KALRN: variants seen among roughly 807,000 people sequenced by gnomAD.
KALRN encodes kalirin.
In KALRN, 70 loss-of-function variants were observed where a neutral mutation model predicts 353.7. That is an observed-to-expected ratio of 0.20 (90% CI 0.16 to 0.24). The LOEUF (loss-of-function observed/expected upper bound fraction) is 0.24, where lower values mean the gene tolerates loss of function less well. KALRN is among the 10% of genes least tolerant of loss of function. The probability of loss-of-function intolerance (pLI) is 1.00; values close to 1 mark genes in which losing one functional copy is unlikely to be tolerated. For missense variants in KALRN, 2,791 were observed against 3,756.7 expected, an observed-to-expected ratio of 0.74 and a Z score of 6.72; for synonymous variants, 1,391 against 1,434.8, an observed-to-expected ratio of 0.97 and a Z score of 0.69.
At chr3:124,661,814 G>C in intron 44 of KALRN, 37 bp from the exon 45 acceptor site, 1 of 1,548,674 alleles carries the variant, frequency 6.5e-7, no homozygotes, top group African/African-American at 1.4e-5. Context: ...CCTGAGTGCT[G>C]TTCCCCCTCC....
At chr3:124,084,300 T>C (rs1244391637) in intron 1 of KALRN, among the ~76,000 whole-genome samples, 2 of 152,216 alleles carry the variant, frequency 1.3e-5, no homozygotes, top group Non-Finnish European at 2.9e-5. Flanking sequence ...TGCACAGGTG[T>C]TGTGCAGCCC....
chr3:124,162,430 A>G (rs1264118054), intron 1 of KALRN: 2 of 152,182 alleles, frequency 1.3e-5, no homozygotes, highest in Non-Finnish European at 1.5e-5. Context: ...AAAAAAAGCA[A>G]TGTCTCCTCG....
chr3:124,120,337 G>C (rs966189095), intron 1 of KALRN, among the ~76,000 whole-genome samples: 6 of 152,094 alleles, frequency 3.9e-5, no homozygotes, highest in Admixed American at 3.3e-4. Flanking sequence ...ATTCCATTCT[G>C]GTTTTCTTCT....
At chr3:124,317,686 C>T (rs2078940409) in intron 6 of KALRN, among the ~76,000 whole-genome samples, 1 of 113,646 alleles carries the variant, frequency 8.8e-6, no homozygotes, top group Non-Finnish European at 1.7e-5. Context: ...GCCAGTGTCA[C>T]AGATCAAGCT....
intron 1 of KALRN, among the ~76,000 whole-genome samples, chr3:124,205,470 T>A (rs551394963): frequency 5.3e-5 from 8 of 152,312 alleles, no homozygotes; most frequent in Non-Finnish European, 1.0e-4. Flanking sequence ...TTCACATCTA[T>A]GAAATGCAGA....
intron 35 of KALRN, 74 bp downstream of exon 35, chr3:124,632,777 C>T: frequency 7.2e-7 from 1 of 1,380,868 alleles, no homozygotes; most frequent in Non-Finnish European, 1.0e-6. Context: ...GTTTTGTCAA[C>T]TAGGCCATCT....
chr3:124,553,038 T>G (rs2070747086), intron 33 of KALRN, among the ~76,000 whole-genome samples: 1 of 152,176 alleles, frequency 6.6e-6, no homozygotes, highest in Admixed American at 6.5e-5. Context: ...TGTGCTAGGA[T>G]TACAGGCGTG....
intron 33 of KALRN, among the ~76,000 whole-genome samples, chr3:124,513,814 A>G (rs1003727829): frequency 7.9e-5 from 12 of 152,196 alleles, no homozygotes; most frequent in African/African-American, 2.7e-4. Flanking sequence ...AGGAGGCAGC[A>G]TAACAGGTGG....
chr3:124,479,716 A>ATTTTTT (rs142639039), intron 27 of KALRN, among the ~76,000 whole-genome samples: 1 of 86,806 alleles, frequency 1.2e-5, no homozygotes, highest in African/African-American at 4.2e-5. Flanking sequence ...ACGATCCAGA[A>ATTTTTT]TTTTTTTTTT....
At chr3:124,686,726 G>T (rs1208917956) in intron 51 of KALRN, among the ~76,000 whole-genome samples, 1 of 150,478 alleles carries the variant, frequency 6.6e-6, no homozygotes, top group Non-Finnish European at 1.5e-5. Flanking sequence ...AACAGCAGTA[G>T]GTTTTAAGCA....
chr3:124,056,690 C>T (rs1387587824), intron 1 of KALRN, among the ~76,000 whole-genome samples: 1 of 152,202 alleles, frequency 6.6e-6, no homozygotes, highest in Non-Finnish European at 1.5e-5. Flanking sequence ...AACAACCTGC[C>T]ACTGGCTGGT....
intron 1 of KALRN, among the ~76,000 whole-genome samples, chr3:124,171,638 C>T (rs1238817644): frequency 6.6e-6 from 1 of 152,078 alleles, no homozygotes; most frequent in African/African-American, 2.4e-5. Context: ...AAGGCAGTCA[C>T]ATTGTAAAGG....
intron 34 of KALRN, among the ~76,000 whole-genome samples, chr3:124,625,657 T>C (rs1325134580): frequency 6.6e-6 from 1 of 152,206 alleles, no homozygotes; most frequent in African/African-American, 2.4e-5. Context: ...CCTAGAAGAA[T>C]TCTCACACTC....
intron 25 of KALRN, among the ~76,000 whole-genome samples, chr3:124,473,594 C>T (rs541546653): frequency 6.6e-6 from 1 of 152,300 alleles, no homozygotes; most frequent in East Asian, 1.9e-4. Context: ...ACATAGAGAG[C>T]TGTGTCTTCT....
At chr3:124,187,641 G>A (rs1314317821) in intron 1 of KALRN, among the ~76,000 whole-genome samples, 2 of 152,186 alleles carry the variant, frequency 1.3e-5, no homozygotes, top group African/African-American at 4.8e-5. Context: ...GTTTCTGAAA[G>A]TATCTTTAGC....
intron 57 of KALRN, among the ~76,000 whole-genome samples, chr3:124,705,764 G>A (rs1226530336): frequency 6.6e-6 from 1 of 152,004 alleles, no homozygotes; most frequent in African/African-American, 2.4e-5. Context: ...AAGTATCTGT[G>A]TGATTGTCTT....
Position 124,637,398 on chromosome 3 carries a change from C to T in KALRN, c.5664+95C>T, listed in dbSNP as rs190716845. On this transcript the variant is annotated intron_variant, in intron 37 of 59. Transcript: ENST00000682506. ...TGCCGTTTTCTCCTTTGCACCTGTC[C>T]TCATTCTTCCTATGTGATTGCAGCT... is the stretch of plus-strand genomic sequence containing the variant. 3.3e-4 allele frequency: 286 copies of T among 879,900 alleles called. 4 individuals carry two copies. The East Asian group carries it at 5.9e-3, about 18-fold the overall frequency. 54.5% of individuals were successfully genotyped at this position (879,900 alleles called of 1,614,324 possible). A position where few individuals can be genotyped will look rare whatever the true frequency, so the allele number is the denominator to read the frequency against.
intron 34 of KALRN, among the ~76,000 whole-genome samples, chr3:124,622,445 T>C (rs1382396335): frequency 6.6e-6 from 1 of 152,238 alleles, no homozygotes; most frequent in African/African-American, 2.4e-5. Context: ...TGTGCTTGAA[T>C]ACCATCACTG....
chr3:124,205,733 T>C (rs2076355006), intron 1 of KALRN, among the ~76,000 whole-genome samples: 2 of 152,198 alleles, frequency 1.3e-5, no homozygotes, highest in African/African-American at 4.8e-5. Context: ...AACAGTATAG[T>C]ACCTTATGTT....
Sources: gnomAD v4.1 joint callset for allele counts (sites outside exome capture counted in the v4.1 genomes callset) on GRCh38, gnomAD v4.1.1 for gene constraint, MANE v1.5 for transcripts, NCBI Gene and HGNC (gene_info 2026-07-23, HGNC 2026-07-21) for gene names.